Variants in SLC9A7 observed in about 807,000 individuals in gnomAD.
SLC9A7 encodes solute carrier family 9 member A7, also known as sodium/hydrogen exchanger 7.
Under a neutral mutation model 52.6 loss-of-function variants are expected in SLC9A7, and 19 were observed. That is an observed-to-expected ratio of 0.36 (90% CI 0.25 to 0.53). The LOEUF (loss-of-function observed/expected upper bound fraction) is 0.53. SLC9A7 is among the 20% of genes least tolerant of loss of function. The pLI is 0.91. For missense variants in SLC9A7, 455 were observed against 597.9 expected (o/e 0.76, Z 2.49); for synonymous variants, 226 against 252.1 (o/e 0.90, Z 0.98).
At chrX:46,611,637 T>C (rs1331029812) in intron 16 of SLC9A7, among the ~76,000 whole-genome samples, 1 of 112,712 alleles carries the variant, frequency 8.9e-6, no homozygotes, top group Non-Finnish European at 1.9e-5. Context: ...CAGTGTAAAG[T>C]TCTGTCGCTG....
chrX:46,641,717 C>A (rs765115060), intron 12 of SLC9A7, among the ~76,000 whole-genome samples: 1 of 111,688 alleles, frequency 9.0e-6, no homozygotes, highest in African/African-American at 3.3e-5. Flanking sequence ...TATAACTCTT[C>A]TTACAGGCAG....
At chrX:46,671,634 A>T in intron 4 of SLC9A7, among the ~76,000 whole-genome samples, 1 of 111,919 alleles carries the variant, frequency 8.9e-6, no homozygotes, top group Admixed American at 9.5e-5. Context: ...TTTGTAGAAT[A>T]TCCTTCGACT....
At chrX:46,650,626 C>T (rs989770277) in intron 10 of SLC9A7, among the ~76,000 whole-genome samples, 1 of 111,121 alleles carries the variant, frequency 9.0e-6, no homozygotes, top group African/African-American at 3.3e-5. Flanking sequence ...ATACTGCAGA[C>T]GTAGTCATGA....
In SLC9A7 at chrX:46,600,008, G is replaced by GTATT. The variant is rs1438676267; in HGVS notation, c.*6940_*6943dup. ...ACTTTCCAAGTAAAAAGTACCAGAT[G>GTATT]TATTTTATGTGAAAAACAAAAGGAC... On this transcript the variant is annotated 3_prime_UTR_variant, in exon 17 of 17. Coordinates refer to ENST00000616978, the MANE Select transcript of SLC9A7 (RefSeq NM_001257291.2). The GTATT allele has an allele frequency of 1.8e-5, 2 of 112,035 alleles. No individual in the cohort carries two copies. Among genetic ancestry groups the GTATT allele is most frequent in the African/African-American group, 6.5e-5 (2 of 30,817 alleles). The allele number at this position is 112,035 out of a possible 1,213,427, so 9.2% of individuals were successfully genotyped here. A position where few individuals can be genotyped will look rare whatever the true frequency, so the allele number is the denominator to read the frequency against.
chrX:46,627,761 C>G (rs1245709810), intron 14 of SLC9A7, among the ~76,000 whole-genome samples: 1 of 11,560 alleles, frequency 8.7e-5, no homozygotes. Context: ...CTTGGAAGCA[C>G]AAAAAAATGG....
intron 5 of SLC9A7, among the ~76,000 whole-genome samples, chrX:46,668,994 T>A (rs374096543): frequency 1.8e-5 from 2 of 109,547 alleles, no homozygotes; most frequent in Admixed American, 2.0e-4. Context: ...GGTGAAACCC[T>A]GTCTCTACTA....
At chrX:46,634,573 A>G in intron 13 of SLC9A7, among the ~76,000 whole-genome samples, 1 of 112,097 alleles carries the variant, frequency 8.9e-6, no homozygotes, top group Middle Eastern at 4.6e-3. Flanking sequence ...TCCCAAGTCT[A>G]ATAACTTACA....
rs369651144 is a variant in SLC9A7, at chrX:46,604,763, GCCA to G, written c.*2186_*2188del. On this transcript the variant is annotated 3_prime_UTR_variant, in exon 17 of 17. Transcript: ENST00000616978. ...TTATTTTATTGAACCATATGAAATT[GCCA>G]CTCCTGTTTTTACAAAATGGTCGAA... 53 of 112,360 alleles carry G rather than the reference GCCA, an allele frequency of 4.7e-4. No homozygotes were observed. Among genetic ancestry groups the G allele is most frequent in the African/African-American group, 1.6e-3 (50 of 30,963 alleles). 9.3% of individuals were successfully genotyped at this position (112,360 alleles called of 1,213,427 possible).
chrX:46,756,516 G>C (rs1451041532), intron 1 of SLC9A7, among the ~76,000 whole-genome samples: 1 of 111,787 alleles, frequency 8.9e-6, no homozygotes, highest in Non-Finnish European at 1.9e-5. Context: ...ATAGTCTTCA[G>C]TATACTATGA....
intron 14 of SLC9A7, among the ~76,000 whole-genome samples, chrX:46,627,793 G>T (rs1427314809): frequency 9.2e-6 from 1 of 108,617 alleles, no homozygotes; most frequent in Non-Finnish European, 1.9e-5. Flanking sequence ...GGGGGGCGGT[G>T]GTCACAGAGT....
At chrX:46,730,709 T>TATATATATATATATAA (rs1945024634) in intron 1 of SLC9A7, among the ~76,000 whole-genome samples, 1 of 72,519 alleles carries the variant, frequency 1.4e-5, no homozygotes, top group Non-Finnish European at 2.6e-5. Context: ...TATATATATA[T>TATATATATATATATAA]AAAATGGATG....
chrX:46,694,657 GC>G (rs1569519417), intron 1 of SLC9A7, among the ~76,000 whole-genome samples: 1 of 110,617 alleles, frequency 9.0e-6, no homozygotes, highest in East Asian at 2.8e-4. Flanking sequence ...TAATTGTGCA[GC>G]CACTTTGGAA....
rs759869522 is a variant in SLC9A7, at chrX:46,688,286, G to A, written c.326-5751C>T. On this transcript the variant is annotated intron_variant, in intron 1 of 16. Transcript: ENST00000616978. ...GAAAAATGTATTGTTTTACATTCTC[G>A]CCAGCAACACATGAGAGTTACAGTT... 5.4e-5 allele frequency among the ~76,000 whole-genome samples: 6 copies of A among 111,082 alleles called. No individual in the cohort carries two copies. In the East Asian group the frequency reaches 1.7e-3, roughly 31 times the overall value.
chrX:46,718,765 T>C (rs1172274493), intron 1 of SLC9A7, among the ~76,000 whole-genome samples: 2 of 111,953 alleles, frequency 1.8e-5, no homozygotes, highest in East Asian at 5.6e-4. Context: ...TCACACCAGT[T>C]AGAATGGCGA....
At chrX:46,725,932 A>G (rs988305306) in intron 1 of SLC9A7, 40 of 343,998 alleles carry the variant, frequency 1.2e-4, no homozygotes, top group Non-Finnish European at 1.6e-4. Context: ...CAGAGCAGGG[A>G]GTCTAGAGGC....
rs1228482478 is a variant in SLC9A7 at position 46,606,028 on chromosome X, A to T, written c.*924T>A. The T allele has an allele frequency of 8.7e-6, 1 of 114,403 alleles. No homozygotes were observed. The highest frequency in any genetic ancestry group is 3.3e-5 in the African/African-American group (1 of 30,461). 9.4% of individuals were successfully genotyped at this position (114,403 alleles called of 1,213,427 possible). ...AAATTAGCTGGGCATGGTGGTGGGC[A>T]CCTGTAATCCCAGCTAATCAGGAGG... On this transcript the variant is annotated 3_prime_UTR_variant, in exon 17 of 17. Coordinates refer to ENST00000616978, the MANE Select transcript of SLC9A7 (RefSeq NM_001257291.2).
intron 1 of SLC9A7, among the ~76,000 whole-genome samples, chrX:46,697,209 T>A (rs759090725): frequency 1.8e-5 from 2 of 112,197 alleles, no homozygotes; most frequent in Non-Finnish European, 3.8e-5. Flanking sequence ...GGATACAAAG[T>A]TTCAGTTAGG....
intron 12 of SLC9A7, among the ~76,000 whole-genome samples, chrX:46,640,254 A>G (rs933810733): frequency 1.8e-5 from 2 of 112,426 alleles, no homozygotes; most frequent in Non-Finnish European, 3.8e-5. Context: ...AGACACCCCC[A>G]TGCATAGAGA....
intron 1 of SLC9A7, among the ~76,000 whole-genome samples, chrX:46,734,084 T>A (rs948956574): frequency 8.9e-6 from 1 of 112,199 alleles, no homozygotes; most frequent in Non-Finnish European, 1.9e-5. Flanking sequence ...AGCTCTTCTG[T>A]GCATCATAGG....
Sources: gnomAD v4.1 joint callset for allele counts (sites outside exome capture counted in the v4.1 genomes callset) on GRCh38, gnomAD v4.1.1 for gene constraint, MANE v1.5 for transcripts, NCBI Gene and HGNC (gene_info 2026-07-23, HGNC 2026-07-21) for gene names.